Variants in ANK2 observed in about 807,000 individuals in gnomAD.
ANK2 encodes ankyrin 2.
A neutral mutation model predicts 360.5 loss-of-function variants in ANK2; 83 were observed. The observed-to-expected ratio is 0.23, with a 90% CI of 0.19 to 0.28. The LOEUF is 0.28. Ranked by LOEUF, ANK2 falls within the 10% of genes least tolerant of loss-of-function variation. The pLI is 1.00. For missense variants in ANK2, 4,201 were observed against 4,795.7 expected (o/e 0.88, Z 3.66); for synonymous variants, 1,740 against 1,759.5 (o/e 0.99, Z 0.28).
intron 2 of ANK2, among the ~76,000 whole-genome samples, chr4:113,195,692 G>A (rs1239831309): frequency 1.3e-5 from 2 of 152,170 alleles, no homozygotes; most frequent in Non-Finnish European, 2.9e-5. Context: ...TTACTACTGT[G>A]TCAGTTGAAG....
At chr4:113,004,754 C>A (rs2052157170) in intron 2 of ANK2, among the ~76,000 whole-genome samples, 3 of 152,126 alleles carry the variant, frequency 2.0e-5, no homozygotes, top group African/African-American at 7.2e-5. Context: ...ATACAACTGG[C>A]AGTGCAGGTT....
intron 39 of ANK2, 24 bp from the exon 40 acceptor site, chr4:113,363,314 A>G: frequency 6.2e-7 from 1 of 1,610,664 alleles, no homozygotes; most frequent in Non-Finnish European, 8.5e-7. Context: ...TAATGTGTTT[A>G]CAAAGTAGTA....
intron 45 of ANK2, chr4:113,373,677 T>A (rs775432848): frequency 1.2e-5 from 9 of 723,838 alleles, no homozygotes; most frequent in African/African-American, 1.7e-5. Flanking sequence ...TTGGTCTTTT[T>A]AAAAATATCT....
chr4:113,217,052 T>C (rs1433937784), intron 4 of ANK2: 2 of 152,134 alleles, frequency 1.3e-5, no homozygotes, highest in Non-Finnish European at 2.9e-5. Context: ...TGATGAAAAC[T>C]TACCTTCATT....
chr4:112,739,262 A>G, the ANK2 span, among the ~76,000 whole-genome samples: 1 of 152,196 alleles, frequency 6.6e-6, no homozygotes, highest in African/African-American at 2.4e-5. Context: ...TGGATATTTA[A>G]TGGTTTGATG....
At chr4:113,239,763 T>A (rs1319186626) in intron 7 of ANK2, among the ~76,000 whole-genome samples, 1 of 152,212 alleles carries the variant, frequency 6.6e-6, no homozygotes, top group Non-Finnish European at 1.5e-5. Context: ...TTAACCTGGT[T>A]GGTTAAATTA....
At chr4:113,204,895 A>G (rs2098922513) in intron 4 of ANK2, among the ~76,000 whole-genome samples, 1 of 152,278 alleles carries the variant, frequency 6.6e-6, no homozygotes, top group South Asian at 2.1e-4. Context: ...GCTTCATACA[A>G]CCATCCACCT....
At chr4:112,819,015 T>G (rs2056202944) in intron 1 of ANK2, among the ~76,000 whole-genome samples, 1 of 152,218 alleles carries the variant, frequency 6.6e-6, no homozygotes, top group Non-Finnish European at 1.5e-5. Context: ...GCTTGGTTTT[T>G]ATTTTTTATT....
At chr4:112,898,828 A>G (rs1046815509) in intron 1 of ANK2, among the ~76,000 whole-genome samples, 1 of 152,194 alleles carries the variant, frequency 6.6e-6, no homozygotes, top group African/African-American at 2.4e-5. Flanking sequence ...TGTAGTTGAC[A>G]CAGCAGGAGA....
chr4:112,790,117 T>G, the ANK2 span, among the ~76,000 whole-genome samples: 2 of 152,210 alleles, frequency 1.3e-5, no homozygotes, highest in Non-Finnish European at 2.9e-5. Flanking sequence ...TTTCATTTCT[T>G]CTATATGGTA....
chr4:112,773,766 C>T, the ANK2 span, among the ~76,000 whole-genome samples: 3 of 152,006 alleles, frequency 2.0e-5, no homozygotes, highest in Admixed American at 2.0e-4. Flanking sequence ...AATCTTTATC[C>T]ACCTAAGTAA....
At chr4:112,831,769 T>C (rs1031311867) in intron 1 of ANK2, among the ~76,000 whole-genome samples, 1 of 152,180 alleles carries the variant, frequency 6.6e-6, no homozygotes, top group Non-Finnish European at 1.5e-5. Flanking sequence ...GCTGTAACAG[T>C]CACTGTGAAG....
chr4:113,192,720 T>C (rs1041648692), intron 2 of ANK2, among the ~76,000 whole-genome samples: 2 of 152,090 alleles, frequency 1.3e-5, no homozygotes, highest in Admixed American at 6.6e-5. Context: ...ATATGTAAAA[T>C]GTAAAATATA....
At chr4:113,367,482 T>C in intron 41 of ANK2, 84 bp from the exon 42 acceptor site, 1 of 1,300,092 alleles carries the variant, frequency 7.7e-7, no homozygotes. Flanking sequence ...CTTATTTTTT[T>C]TATCCTCTTA....
chr4:112,886,595 G>C (rs1230642001), intron 1 of ANK2, among the ~76,000 whole-genome samples: 2 of 152,108 alleles, frequency 1.3e-5, no homozygotes, highest in African/African-American at 4.8e-5. Context: ...CTGGGAAGTG[G>C]AAGTTGCAGT....
chr4:113,135,533 G>GTGTGTA (rs386401182), intron 1 of ANK2, among the ~76,000 whole-genome samples: 1 of 152,014 alleles, frequency 6.6e-6, no homozygotes, highest in Admixed American at 6.6e-5. Context: ...CTGTGTGTGT[G>GTGTGTA]TGTGTGTGTG....
At chr4:112,814,815 C>G (rs749976517), upstream of ANK2, among the ~76,000 whole-genome samples, 10 of 152,088 alleles carry the variant, frequency 6.6e-5, no homozygotes, top group Non-Finnish European at 1.2e-4. Flanking sequence ...TTTGTTAACT[C>G]TATAGATTTT....
the ANK2 span, among the ~76,000 whole-genome samples, chr4:112,736,464 C>CAA: frequency 1.6e-5 from 2 of 127,568 alleles, no homozygotes; most frequent in Non-Finnish European, 1.7e-5. Context: ...GACTCCGTCT[C>CAA]AAAAAAAAAA....
At chr4:113,278,831 G>C (rs2061212827) in intron 17 of ANK2, among the ~76,000 whole-genome samples, 1 of 152,146 alleles carries the variant, frequency 6.6e-6, no homozygotes, top group Non-Finnish European at 1.5e-5. Context: ...GTGTGTTAGA[G>C]AATGAAGTCT....
Sources: allele counts gnomAD v4.1 joint callset (sites outside exome capture counted in the v4.1 genomes callset), GRCh38; gene constraint gnomAD v4.1.1; transcripts MANE v1.5; gene names NCBI Gene and HGNC (gene_info 2026-07-23, HGNC 2026-07-21).